The following CHD4 variants were observed in gnomAD, a reference collection of about 807,000 sequenced individuals.
CHD4 encodes the protein chromodomain helicase DNA binding protein 4, also known as ATP-dependent chromatin remodeler CHD4.
Under a neutral mutation model 235.5 loss-of-function variants are expected in CHD4, and 35 were observed. The ratio of observed to expected loss-of-function variants is 0.15; its 90% CI spans 0.11 to 0.20. CHD4 has a LOEUF of 0.20. Ranked by LOEUF, CHD4 falls within the 10% of genes least tolerant of loss-of-function variation. The probability of loss-of-function intolerance (pLI) is 1.00; values close to 1 mark genes in which losing one functional copy is unlikely to be tolerated. For synonymous variants in CHD4, 900 were observed against 850.2 expected (o/e 1.06, Z -1.02); for missense variants, 1,329 against 2,432.3 (o/e 0.55, Z 9.54).
At position 6,595,371 on chromosome 12, in the gene CHD4, C is replaced by T. The variant is rs1948469820; in HGVS notation, c.2084G>A (p.Arg695Gln). The change falls in exon 14 of 40, where the codon CGG becomes CAG. Residue 695 changes from arginine (R) to glutamine (Q), a missense_variant. By Grantham distance (43) the Arg-to-Gln change is conservative (BLOSUM62 1). This residue lies in a region of CHD4 where 121 missense variants were observed against 177.8 expected (regional missense o/e 0.68). Transcript: ENST00000544040. ...CGTTTCTGGAGGCCTCTCCAACTTCCGAAGCTTCACCTTCTTGAGCTTCTT... is the reference window on the plus strand; with the variant it reads ...CGTTTCTGGAGGCCTCTCCAACTTCTGAAGCTTCACCTTCTTGAGCTTCTT... ...PGKKLKKVKL[R>Q]KLERPPETPT... is the part of the protein sequence containing the mutation. 3 of 1,614,126 alleles carry T rather than the reference C, an allele frequency of 1.9e-6. No individual in the cohort carries two copies. The highest frequency in any genetic ancestry group is 1.3e-5 in the African/African-American group (1 of 75,040).
Position 6,576,713 on chromosome 12 carries a change from C to G in CHD4, c.5361+1072G>C, listed in dbSNP as rs1948077995. ...CTCCGCCTCCCGGGTTCAAGCGATT[C>G]TGGAGAACTTTCTTATGCCAATCAG... On this transcript the variant is annotated intron_variant, in intron 37 of 39. Transcript: ENST00000544040. Among the ~76,000 whole-genome samples the G allele has an allele frequency of 2.0e-5, 3 of 152,146 alleles. No homozygotes were observed. The South Asian group carries it at 6.2e-4, about 32-fold the overall frequency.
At chr12:6,572,980 G>A in intron 38 of CHD4, 94 bp downstream of exon 38, 1 of 1,256,926 alleles carries the variant, frequency 8.0e-7, no homozygotes, top group Admixed American at 2.6e-5. Context: ...CCAGACAAAG[G>A]AGCTCTGAAA....
intron 38 of CHD4, among the ~76,000 whole-genome samples, chr12:6,572,348 C>T (rs1947988576): frequency 1.3e-5 from 2 of 150,258 alleles, no homozygotes; most frequent in Admixed American, 1.3e-4. Context: ...ATTGCTTGAA[C>T]CCAGGAGGCA....
At chr12:6,598,186 C>T (rs746658652) in intron 11 of CHD4, 36 bp downstream of exon 11, 6 of 1,608,900 alleles carry the variant, frequency 3.7e-6, no homozygotes, top group African/African-American at 1.3e-5. Context: ...TCCTCTTCAT[C>T]GTAGCCCCTA....
intron 37 of CHD4, among the ~76,000 whole-genome samples, chr12:6,575,478 T>C (rs1948054986): frequency 1.3e-5 from 2 of 151,612 alleles, no homozygotes; most frequent in South Asian, 4.1e-4. Flanking sequence ...AGGGTTTTAT[T>C]AACCGTTTTT....
At chr12:6,599,252 T>C (rs1046870666) in intron 10 of CHD4, among the ~76,000 whole-genome samples, 1 of 151,946 alleles carries the variant, frequency 6.6e-6, no homozygotes, top group Non-Finnish European at 1.5e-5. Flanking sequence ...GGCAACATAG[T>C]GAGACCCTGT....
rs775084830 is a variant in CHD4, at chr12:6,581,186, AAAAAAC to A, written c.4780-19_4780-14del. 6 of 1,610,446 alleles carry A rather than the reference AAAAAAC, an allele frequency of 3.7e-6. No homozygotes were observed. The highest frequency in any genetic ancestry group is 3.3e-5 in the South Asian group (3 of 90,436). On this transcript the variant is annotated splice_polypyrimidine_tract_variant and intron_variant, in intron 32 of 39. Coordinates refer to ENST00000544040, the MANE Select transcript of CHD4 (RefSeq NM_001273.5). ...GGGCCTGTGTACACTTCAAAGGAAA[AAAAAAC>A]AAAAACAAAACAGATGAAGCAGACA...
At position 6,592,458 on chromosome 12, in the gene CHD4, A is replaced by G. The variant is rs537859322; in HGVS notation, c.2883T>C (p.Asp961=). Reference sequence around the variant, plus strand: ...TCTTGGAGGGCATGTTCTTGAACACATCGGCTTTGAGCCGCCGCAACATGT... The same window carrying G: ...TCTTGGAGGGCATGTTCTTGAACACGTCGGCTTTGAGCCGCCGCAACATGT... ...GPHMLRRLKA[D]VFKNMPSKTE... is the part of the protein sequence containing the mutation. The change falls in exon 19 of 40, where the codon GAT becomes GAC. Residue 961 remains aspartate (D), a synonymous_variant. Coordinates refer to ENST00000544040, the MANE Select transcript of CHD4 (RefSeq NM_001273.5). 10 of 1,611,930 alleles carry G rather than the reference A, an allele frequency of 6.2e-6. No individual in the cohort carries two copies. The South Asian group carries it at 6.6e-5, about 11-fold the overall frequency.
At chr12:6,582,368 G>A (rs1948210393) in intron 29 of CHD4, 87 bp from the exon 30 acceptor site, 1 of 1,450,148 alleles carries the variant, frequency 6.9e-7, no homozygotes, top group South Asian at 1.4e-5. Flanking sequence ...ATTATCACAG[G>A]CAATAACTAT....
chr12:6,588,183 A>G, intron 23 of CHD4, 115 bp downstream of exon 23: 5 of 1,359,754 alleles, frequency 3.7e-6, no homozygotes, highest in Non-Finnish European at 5.0e-6. Flanking sequence ...CACAAAAAGA[A>G]TCTGTTGTTT....
rs373579535 is a variant in CHD4, at chr12:6,593,649, G to GGCCCCAGCACACTGCA, written c.2314-49_2314-34dup. ...AAAAAAGAGGAGAGTCAGGACTGAG[G>GGCCCCAGCACACTGCA]GCCCCAGCACACTGCAACCCCAGCG... On this transcript the variant is annotated intron_variant, in intron 15 of 39. Coordinates refer to ENST00000544040, the MANE Select transcript of CHD4 (RefSeq NM_001273.5). This position sits in a 1 kb window ranked among gnomAD's most constrained non-coding sequence, Gnocchi z 4.9. The GGCCCCAGCACACTGCA allele has an allele frequency of 2.1e-4, 343 of 1,604,796 alleles. 1 individual carries two copies. The African/African-American group carries it at 3.3e-3, about 15-fold the overall frequency.
Position 6,601,008 on chromosome 12 carries a change from T to C in CHD4, c.845A>G (p.Asp282Gly). ...RKPKGSPRVP[D>G]AKKPKPKKVA... ...TTTCTTGGGTTTAGGCTTCTTGGCA[T>C]CAGGTACACGAGGGCTGCCCTTGGG... The change falls in exon 7 of 40, where the codon GAT becomes GGT. Residue 282 changes from aspartate to glycine, a missense_variant. Asp to Gly is a moderately conservative substitution (Grantham distance 94, BLOSUM62 -1). Transcript: ENST00000544040. 6.2e-7 allele frequency: 1 copy of C among 1,606,810 alleles called. No homozygotes were observed. The highest frequency in any genetic ancestry group is 1.1e-5 in the South Asian group (1 of 89,870).
At chr12:6,587,629 C>G (rs1462152764) in intron 24 of CHD4, 70 bp from the exon 25 acceptor site, 2 of 1,606,696 alleles carry the variant, frequency 1.2e-6, no homozygotes, top group Non-Finnish European at 1.7e-6. Flanking sequence ...GCAAGTCCCA[C>G]AAGACCCTTG....
At position 6,587,381 on chromosome 12, in the gene CHD4, C is replaced by T. The variant is rs755599397; in HGVS notation, c.3879+3G>A. ...CACAGGATTGCCTTGGATTCATACT[C>T]ACCCCCATTTCTTCTTCCCGTACCA... On this transcript the variant is annotated splice_donor_region_variant and intron_variant, in intron 25 of 39. Transcript: ENST00000544040. 1.5e-5 allele frequency: 25 copies of T among 1,613,774 alleles called. No homozygotes were observed. The South Asian group carries it at 2.3e-4, about 15-fold the overall frequency.
chr12:6,589,007 C>A (rs887302519), intron 22 of CHD4, among the ~76,000 whole-genome samples: 3 of 151,920 alleles, frequency 2.0e-5, no homozygotes, highest in Non-Finnish European at 4.4e-5. Flanking sequence ...CAACACTTTG[C>A]GAGGCTGAGG....
Position 6,600,162 on chromosome 12 carries a change from C to T in CHD4, c.1242+55G>A. The T allele has an allele frequency of 3.8e-6, 6 of 1,592,254 alleles. No individual in the cohort carries two copies. The South Asian group carries it at 6.8e-5, about 18-fold the overall frequency. ...TCCATCCAGGCCCCGAAGAGCTTTA[C>T]TGTCCCACCCTTCTTCTCATGGGTT... On this transcript the variant is annotated intron_variant, in intron 9 of 39. Transcript: ENST00000544040.
In CHD4 at chr12:6,591,480, A is replaced by G. The variant is rs2136213384; in HGVS notation, c.3326T>C (p.Ile1109Thr). The G allele has an allele frequency of 6.2e-7, 1 of 1,614,062 alleles. No homozygotes were observed. Among genetic ancestry groups the G allele is most frequent in the Non-Finnish European group, 8.5e-7 (1 of 1,179,904 alleles). ...GITGNMRQEA[I>T]DRFNAPGAQQ... ...TTCTCTCTCACCATTGAAGCGGTCAATGGCCTCTTGCCGCATGTTCCCAGT... is the reference window on the plus strand; with the variant it reads ...TTCTCTCTCACCATTGAAGCGGTCAGTGGCCTCTTGCCGCATGTTCCCAGT... Residue 1109 changes from isoleucine to threonine, a missense_variant, in exon 22 of 40, where the codon ATT becomes ACT. Coordinates refer to ENST00000544040, the MANE Select transcript of CHD4 (RefSeq NM_001273.5).
At position 6,601,978 on chromosome 12, in the gene CHD4, A is replaced by G. The variant is rs74790047; in HGVS notation, c.420T>C (p.Asp140=). 1 of 1,389,560 alleles carries G rather than the reference A, an allele frequency of 7.2e-7. No homozygotes were observed. The highest frequency in any genetic ancestry group is 9.9e-7 in the Non-Finnish European group (1 of 1,013,678). 86.1% of individuals were successfully genotyped at this position (1,389,560 alleles called of 1,614,324 possible). ...CAGGCACCTTTGAATCATCATCATC[A>G]TCCTCCTCCTCCTCCTCCTCCTTCC... The part of the protein sequence containing the change: ...SKRKEEEEEE[D]DDDDSKEPKS... Residue 140 remains aspartate (D), a synonymous_variant, in exon 4 of 40, where the codon GAT becomes GAC. Coordinates refer to ENST00000544040, the MANE Select transcript of CHD4 (RefSeq NM_001273.5).
chr12:6,597,843 A>G (rs1282626567), intron 12 of CHD4, 51 bp downstream of exon 12: 4 of 1,516,800 alleles, frequency 2.6e-6, no homozygotes, highest in Non-Finnish European at 3.7e-6. Context: ...CAATCTCTTT[A>G]GCAGGACTCT....
Sources: gnomAD v4.1 joint callset for allele counts (sites outside exome capture counted in the v4.1 genomes callset) on GRCh38, gnomAD v4.1.1 for gene constraint, gnomAD v4.1.1 regional missense constraint, Gnocchi (gnomAD v3.1) non-coding constraint, MANE v1.5 for transcripts, NCBI Gene and HGNC (gene_info 2026-07-23, HGNC 2026-07-21) for gene names.